TDRD12: variants seen among roughly 807,000 people sequenced by gnomAD.
TDRD12 encodes putative ATP-dependent RNA helicase TDRD12.
Under a neutral mutation model 133.5 loss-of-function variants are expected in TDRD12, and 158 were observed. That is an observed-to-expected ratio of 1.18 (90% CI 1.04 to 1.35). The LOEUF is 1.35. Among genes scored for constraint, TDRD12 ranks in the 40% most tolerant of loss-of-function variants. TDRD12 has a pLI of 0.00. For synonymous variants in TDRD12, 460 were observed against 477.9 expected (o/e 0.96, Z 0.49); for missense variants, 1,443 against 1,321.3 (o/e 1.09, Z -1.43).
exon 26 of TDRD12, chr19:32,815,450 G>A: frequency 6.5e-7 from 1 of 1,533,970 alleles, no homozygotes; most frequent in Non-Finnish European, 8.7e-7. Context: ...GATTCAAGGT[G>A]CACATTACAA....
In TDRD12 at chr19:32,772,601, C is replaced by T. The variant is rs150497135; in HGVS notation, c.866-152C>T. On this transcript the variant is annotated intron_variant, in intron 8 of 27. Coordinates refer to ENST00000444215, the Ensembl canonical transcript of TDRD12. ...ACAAGATTTTAAAATTTAATCCCCT[C>T]GAGTAAGGTTTACTACAAATTCATA... Among the ~76,000 whole-genome samples, 306 of 152,234 alleles carry T rather than the reference C, an allele frequency of 2.0e-3. 1 individual carries two copies. Among genetic ancestry groups the T allele is most frequent in the African/African-American group, 6.9e-3 (287 of 41,546 alleles).
intron 2 of TDRD12, among the ~76,000 whole-genome samples, chr19:32,738,179 G>A (rs780562215): frequency 6.6e-6 from 1 of 152,136 alleles, no homozygotes; most frequent in Non-Finnish European, 1.5e-5. Context: ...GGAAGGATGA[G>A]CCTGGTGGCA....
At chr19:32,784,799 A>C (rs1397482347) in intron 11 of TDRD12, among the ~76,000 whole-genome samples, 1 of 152,246 alleles carries the variant, frequency 6.6e-6, no homozygotes, top group Non-Finnish European at 1.5e-5. Context: ...CTCTGATGGT[A>C]GTTTGTATTT....
chr19:32,809,239 A>C (rs1966915435), intron 22 of TDRD12, among the ~76,000 whole-genome samples: 1 of 152,178 alleles, frequency 6.6e-6, no homozygotes, highest in Non-Finnish European at 1.5e-5. Context: ...CTGGAGGGAC[A>C]GTGTGGAGAT....
chr19:32,792,089 T>G (rs1324194470), intron 13 of TDRD12, among the ~76,000 whole-genome samples: 1 of 151,840 alleles, frequency 6.6e-6, no homozygotes, highest in Non-Finnish European at 1.5e-5. Context: ...CTACTAAAAA[T>G]ACAAAAATTC....
chr19:32,787,689 G>A (rs920186489), intron 11 of TDRD12, among the ~76,000 whole-genome samples: 2 of 152,204 alleles, frequency 1.3e-5, no homozygotes, highest in African/African-American at 2.4e-5. Context: ...ATCCCAGGTC[G>A]ATCTCAGACT....
At chr19:32,781,883 C>T (rs1056878602) in intron 11 of TDRD12, among the ~76,000 whole-genome samples, 4 of 152,082 alleles carry the variant, frequency 2.6e-5, no homozygotes, top group Admixed American at 2.0e-4. Context: ...TCTTGTGCTG[C>T]GTGTTCTCTG....
intron 1 of TDRD12, among the ~76,000 whole-genome samples, chr19:32,724,886 T>C (rs1466714750): frequency 6.6e-6 from 1 of 152,232 alleles, no homozygotes; most frequent in Non-Finnish European, 1.5e-5. Context: ...TGTTGTTTCT[T>C]GACTTTTTAA....
At chr19:32,733,866 T>G (rs1969137013) in intron 2 of TDRD12, among the ~76,000 whole-genome samples, 1 of 151,726 alleles carries the variant, frequency 6.6e-6, no homozygotes, top group East Asian at 1.9e-4. Flanking sequence ...CTTTTTTAAA[T>G]TTTTTTAATT....
At chr19:32,743,991 G>A (rs1969513557) in intron 4 of TDRD12, among the ~76,000 whole-genome samples, 1 of 145,366 alleles carries the variant, frequency 6.9e-6, no homozygotes, top group South Asian at 2.2e-4. Flanking sequence ...TCGCACCACT[G>A]CACTCCAGCC....
Position 32,783,755 on chromosome 19 carries a change from A to G in TDRD12, c.1121+6526A>G, listed in dbSNP as rs566173776. Among the ~76,000 whole-genome samples the G allele has an allele frequency of 2.6e-5, 4 of 151,178 alleles. No individual in the cohort carries two copies. The South Asian group carries it at 8.4e-4, about 32-fold the overall frequency. ...TGAATGGGAGTTCACTCATGATTGGACTCTGTTTGTCTGTTATTGGTGTAT... is the reference window on the plus strand; with the variant it reads ...TGAATGGGAGTTCACTCATGATTGGGCTCTGTTTGTCTGTTATTGGTGTAT... On this transcript the variant is annotated intron_variant, in intron 11 of 27. Transcript: ENST00000444215.
chr19:32,750,628 C>A (rs1421876594), intron 6 of TDRD12, among the ~76,000 whole-genome samples: 3 of 152,110 alleles, frequency 2.0e-5, no homozygotes, highest in Admixed American at 6.5e-5. Flanking sequence ...AGTTTCCCGG[C>A]TGATTTCCTT....
chr19:32,813,990 C>T (rs1328157731), intron 25 of TDRD12, among the ~76,000 whole-genome samples: 3 of 152,194 alleles, frequency 2.0e-5, no homozygotes, highest in Admixed American at 6.5e-5. Flanking sequence ...GTAACCCCAG[C>T]GCACACGTGC....
chr19:32,791,151 G>T (rs570597891), intron 13 of TDRD12, 83 bp downstream of exon 13: 3 of 1,366,256 alleles, frequency 2.2e-6, no homozygotes, highest in Non-Finnish European at 2.9e-6. Flanking sequence ...TGGCTCTAAG[G>T]TTGCATTGTA....
intron 11 of TDRD12, among the ~76,000 whole-genome samples, chr19:32,783,758 CTG>C (rs990365489): frequency 3.3e-5 from 5 of 152,094 alleles, no homozygotes; most frequent in Admixed American, 2.0e-4. Flanking sequence ...TGATTGGACT[CTG>C]TTTGTCTGTT....
chr19:32,758,708 G>A (rs975906538), intron 8 of TDRD12, among the ~76,000 whole-genome samples: 2 of 152,172 alleles, frequency 1.3e-5, no homozygotes, highest in Non-Finnish European at 2.9e-5. Context: ...GTCAAGGCTG[G>A]CAGATCACTT....
At chr19:32,726,641 C>T in intron 1 of TDRD12, among the ~76,000 whole-genome samples, 1 of 152,042 alleles carries the variant, frequency 6.6e-6, no homozygotes. Flanking sequence ...GACCCAACTA[C>T]TTGGGAGGCT....
chr19:32,772,391 A>G (rs1047722591), intron 8 of TDRD12, among the ~76,000 whole-genome samples: 1 of 152,206 alleles, frequency 6.6e-6, no homozygotes, highest in Admixed American at 6.5e-5. Context: ...GGAAAGGATC[A>G]TAGAGCCCAC....
intron 4 of TDRD12, among the ~76,000 whole-genome samples, chr19:32,747,057 A>C: frequency 7.3e-6 from 1 of 137,686 alleles, no homozygotes; most frequent in African/African-American, 2.8e-5. Context: ...TGAGGTGGTT[A>C]TTCTGTGTGT....
Sources: allele counts gnomAD v4.1 joint callset (sites outside exome capture counted in the v4.1 genomes callset), GRCh38; gene constraint gnomAD v4.1.1; transcripts MANE v1.5; gene names NCBI Gene and HGNC (gene_info 2026-07-23, HGNC 2026-07-21).